The following ARHGEF28 variants were observed in gnomAD, a reference collection of about 807,000 sequenced individuals.
ARHGEF28 encodes Rho guanine nucleotide exchange factor 28, also known as 190 kDa guanine nucleotide exchange factor.
ARHGEF28 carries 152 observed loss-of-function variants against 206.6 expected under a neutral mutation model. The ratio of observed to expected loss-of-function variants is 0.74; its 90% CI spans 0.64 to 0.84. ARHGEF28 has a LOEUF of 0.84. Ranked by LOEUF, ARHGEF28 falls within the 40% of genes least tolerant of loss-of-function variation. The pLI, the probability that ARHGEF28 is intolerant of heterozygous loss-of-function variation, is 0.00. For synonymous variants in ARHGEF28, 763 were observed against 776.4 expected (o/e 0.98, Z 0.29); for missense variants, 2,028 against 2,073.2 (o/e 0.98, Z 0.42).
intron 9 of ARHGEF28, among the ~76,000 whole-genome samples, chr5:73,797,864 G>A (rs538156802): frequency 2.9e-4 from 44 of 152,300 alleles, no homozygotes; most frequent in African/African-American, 9.6e-4. Context: ...CTGTTCCAGT[G>A]GCACCCTCTG....
At chr5:73,682,585 G>A (rs1484502180) in intron 1 of ARHGEF28, among the ~76,000 whole-genome samples, 1 of 151,916 alleles carries the variant, frequency 6.6e-6, no homozygotes, top group African/African-American at 2.4e-5. Context: ...GCTAATTTTT[G>A]CATTTTAGTA....
chr5:73,800,413 A>G (rs535684789), intron 9 of ARHGEF28, among the ~76,000 whole-genome samples: 72 of 152,298 alleles, frequency 4.7e-4, no homozygotes, highest in African/African-American at 1.7e-3. Flanking sequence ...TATAATATGT[A>G]TTGTTGATTT....
intron 11 of ARHGEF28, among the ~76,000 whole-genome samples, chr5:73,844,955 A>T (rs1222850181): frequency 6.6e-6 from 1 of 151,334 alleles, no homozygotes; most frequent in Non-Finnish European, 1.5e-5. Context: ...TGAGGAAAAA[A>T]GTTGTTGTCA....
chr5:73,661,380 C>A (rs1182413894), intron 1 of ARHGEF28, among the ~76,000 whole-genome samples: 5 of 152,158 alleles, frequency 3.3e-5, no homozygotes, highest in Admixed American at 6.5e-5. Context: ...CCACACCACT[C>A]AAACTTTCTC....
In ARHGEF28 at chr5:73,883,829, T is replaced by G. The variant is rs1308306986; in HGVS notation, c.3000T>G (p.Thr1000=). ...RGIPECILLV[T]QRITKYPVLV... is the part of the protein sequence containing the mutation. ...TTCCAGAATGCATTCTGTTGGTCAC[T>G]CAGCGTATTACAAAATACCCTGTCT... Residue 1000 remains threonine, a synonymous_variant, in exon 24 of 36, where the codon ACT becomes ACG. Coordinates refer to ENST00000513042, the MANE Select transcript of ARHGEF28 (RefSeq NM_001177693.2). The G allele has an allele frequency of 7.6e-6, 12 of 1,580,508 alleles. No homozygotes were observed. Among genetic ancestry groups the G allele is most frequent in the Admixed American group, 3.6e-5 (2 of 55,516 alleles).
In ARHGEF28 at chr5:73,911,324, T is replaced by A; in HGVS notation, c.4697T>A (p.Phe1566Tyr). The change falls in exon 35 of 36, where the codon TTC becomes TAC. Residue 1566 changes from phenylalanine (F) to tyrosine (Y), a missense_variant. Phe to Tyr is a conservative substitution (Grantham distance 22). Around this residue, in one of 3 missense-constraint regions of ARHGEF28, gnomAD observed 803 missense variants for 768.0 expected, o/e 1.05. Coordinates refer to ENST00000513042, the MANE Select transcript of ARHGEF28 (RefSeq NM_001177693.2). ...SESLCHENSF[F>Y]INEALVQMSF... is the part of the protein sequence containing the mutation. ...AGTTTATGTCATGAAAACTCATTCTTCATCAATGAAGCTTTAGTACAAATG... is the reference window on the plus strand; with the variant it reads ...AGTTTATGTCATGAAAACTCATTCTACATCAATGAAGCTTTAGTACAAATG... The A allele has an allele frequency of 3.7e-6, 6 of 1,610,060 alleles. No individual in the cohort carries two copies. Among genetic ancestry groups the A allele is most frequent in the Non-Finnish European group, 5.1e-6 (6 of 1,177,798 alleles).
intron 25 of ARHGEF28, 190 bp from the exon 26 acceptor site, chr5:73,887,413 C>T: frequency 2.3e-6 from 1 of 431,920 alleles, no homozygotes; most frequent in Non-Finnish European, 4.1e-6. Flanking sequence ...TACCTACAGC[C>T]ACACACAAAC....
At chr5:73,803,602 G>T (rs2112502177) in intron 9 of ARHGEF28, 2 of 160,566 alleles carry the variant, frequency 1.2e-5, no homozygotes, top group South Asian at 1.9e-4. Flanking sequence ...AGAATCATGG[G>T]GACTCTATGT....
chr5:73,830,939 A>G (rs967585583), intron 9 of ARHGEF28, among the ~76,000 whole-genome samples: 1 of 152,178 alleles, frequency 6.6e-6, no homozygotes, highest in African/African-American at 2.4e-5. Context: ...GTACCTATTC[A>G]AGAAAATTTA....
intron 4 of ARHGEF28, among the ~76,000 whole-genome samples, chr5:73,760,319 A>G (rs1242606641): frequency 6.6e-6 from 1 of 150,546 alleles, no homozygotes; most frequent in Non-Finnish European, 1.5e-5. Flanking sequence ...TTTTTTTTTA[A>G]GTTTTGAAAT....
At chr5:73,911,695 T>C (rs887462854) in intron 35 of ARHGEF28, 120 bp downstream of exon 35, 36 of 1,059,972 alleles carry the variant, frequency 3.4e-5, no homozygotes, top group African/African-American at 4.8e-5. Context: ...TCGGTACTGA[T>C]GAGCTGGAGT....
At chr5:73,733,355 A>T (rs979457472) in intron 2 of ARHGEF28, among the ~76,000 whole-genome samples, 2 of 152,220 alleles carry the variant, frequency 1.3e-5, no homozygotes, top group East Asian at 3.8e-4. Context: ...CCATTTTCAG[A>T]TGAGGAAAGG....
intron 1 of ARHGEF28, among the ~76,000 whole-genome samples, chr5:73,660,556 T>C (rs1745530992): frequency 6.6e-6 from 1 of 152,164 alleles, no homozygotes; most frequent in African/African-American, 2.4e-5. Flanking sequence ...TTTGCTCAGA[T>C]CCATCAGATT....
intron 12 of ARHGEF28, 133 bp downstream of exon 12, chr5:73,846,608 AT>A (rs780358151): frequency 1.3e-4 from 96 of 767,850 alleles, no homozygotes; most frequent in Non-Finnish European, 1.8e-4. Context: ...CCCATGTGAT[AT>A]CTGATTGAGT....
At position 73,840,702 on chromosome 5, in the gene ARHGEF28, A is replaced by G; in HGVS notation, c.1369A>G (p.Asn457Asp). ...SPSSSCASNL[N>D]LSFGWHGFEK... ...ATCAAGTTCGTGTGCTTCCAACTTG[A>G]ATCTTTCTTTTGGTTGGCATGGATT... Residue 457 changes from asparagine (N) to aspartate (D), a missense_variant, in exon 11 of 36, where the codon AAT becomes GAT. Coordinates refer to ENST00000513042, the MANE Select transcript of ARHGEF28 (RefSeq NM_001177693.2). 1 of 1,612,644 alleles carries G rather than the reference A, an allele frequency of 6.2e-7. No individual in the cohort carries two copies. The highest frequency in any genetic ancestry group is 8.5e-7 in the Non-Finnish European group (1 of 1,179,228).
intron 1 of ARHGEF28, among the ~76,000 whole-genome samples, chr5:73,670,366 T>C (rs117864099): frequency 6.6e-6 from 1 of 152,372 alleles, no homozygotes; most frequent in East Asian, 1.9e-4. Context: ...ATTGCTCTGG[T>C]TTCTGTATTA....
At chr5:73,894,369 T>C in intron 28 of ARHGEF28, 24 bp from the exon 29 acceptor site, 1 of 1,571,000 alleles carries the variant, frequency 6.4e-7, no homozygotes, top group Non-Finnish European at 8.7e-7. Context: ...GTGATAATCT[T>C]CTATGGTAAA....
intron 10 of ARHGEF28, among the ~76,000 whole-genome samples, chr5:73,837,452 A>G: frequency 6.6e-6 from 1 of 151,542 alleles, no homozygotes; most frequent in East Asian, 1.9e-4. Context: ...CTGCTGCCAT[A>G]TTTTCTTAGC....
chr5:73,769,858 G>A (rs1753122781), intron 4 of ARHGEF28, among the ~76,000 whole-genome samples: 1 of 152,056 alleles, frequency 6.6e-6, no homozygotes, highest in Non-Finnish European at 1.5e-5. Context: ...TAGGTTCATG[G>A]CAAAATTGAG....
Sources: gnomAD v4.1 joint callset for allele counts (sites outside exome capture counted in the v4.1 genomes callset) on GRCh38, gnomAD v4.1.1 for gene constraint, gnomAD v4.1.1 regional missense constraint, MANE v1.5 for transcripts, NCBI Gene and HGNC (gene_info 2026-07-23, HGNC 2026-07-21) for gene names.